The following DLG5 variants were observed in gnomAD, a reference collection of about 807,000 sequenced individuals.
DLG5 encodes discs large MAGUK scaffold protein 5, also known as disks large homolog 5.
DLG5 carries 48 observed loss-of-function variants against 189.8 expected under a neutral mutation model. The ratio of observed to expected loss-of-function variants is 0.25; its 90% CI spans 0.20 to 0.32. The LOEUF is 0.32. Ranked by LOEUF, DLG5 falls within the 10% of genes least tolerant of loss-of-function variation. The probability of loss-of-function intolerance (pLI) is 1.00; values close to 1 mark genes in which losing one functional copy is unlikely to be tolerated. For synonymous variants in DLG5, 1,016 were observed against 1,054.1 expected (o/e 0.96, Z 0.70); for missense variants, 2,160 against 2,544.7 (o/e 0.85, Z 3.25).
the DLG5 span, among the ~76,000 whole-genome samples, chr10:77,933,643 G>A: frequency 6.6e-6 from 1 of 152,000 alleles, no homozygotes; most frequent in Non-Finnish European, 1.5e-5. Context: ...AGAATCGCTT[G>A]AACCTGAGAG....
At chr10:77,906,358 C>T (rs1220129498) in intron 1 of DLG5, among the ~76,000 whole-genome samples, 1 of 152,246 alleles carries the variant, frequency 6.6e-6, no homozygotes, top group Non-Finnish European at 1.5e-5. Flanking sequence ...TCTTACCAAA[C>T]CTGACTGAAC....
rs1841943326 is a variant in DLG5 at position 77,814,464 on chromosome 10, TATATATATATA to T, written c.4025+2076_4025+2086del. On this transcript the variant is annotated intron_variant, in intron 20 of 31. Coordinates refer to ENST00000372391, the MANE Select transcript of DLG5 (RefSeq NM_004747.4). ...GTACATAAATAATAAAGCATGTTTA[TATATATATATA>T]TATATATATATATATATATATATAT... Among the ~76,000 whole-genome samples, 4 of 30,088 alleles carry T rather than the reference TATATATATATA, an allele frequency of 1.3e-4. No homozygotes were observed. In the South Asian group the frequency reaches 4.3e-3, roughly 33 times the overall value. 19.7% of individuals were successfully genotyped at this position (30,088 alleles called of 152,430 possible).
chr10:77,860,965 T>C (rs1844448120), intron 2 of DLG5, among the ~76,000 whole-genome samples: 1 of 152,248 alleles, frequency 6.6e-6, no homozygotes, highest in Non-Finnish European at 1.5e-5. Flanking sequence ...CATTATATAT[T>C]GACATAAGAT....
chr10:77,805,998 C>T (rs530075256), intron 26 of DLG5, 137 bp from the exon 27 acceptor site: 8 of 797,982 alleles, frequency 1.0e-5, no homozygotes, highest in South Asian at 1.8e-5. Flanking sequence ...CTCAAGGCTA[C>T]ATCTCCTCCC....
chr10:77,929,519 G>A (rs995423398), upstream of DLG5: 2 of 152,216 alleles, frequency 1.3e-5, no homozygotes, highest in Non-Finnish European at 2.9e-5. Flanking sequence ...CTTTGCAGAT[G>A]TAATCTAGTT....
rs755491108 is a variant in DLG5, at chr10:77,821,073, C to G, written c.3402+9G>C. ...CCTCCCCTCCCCACACCCTGGGGCT[C>G]AGCTATACCTCCAGGAACTGAGCAG... On this transcript the variant is annotated intron_variant, in intron 15 of 31. Coordinates refer to ENST00000372391, the MANE Select transcript of DLG5 (RefSeq NM_004747.4). The G allele has an allele frequency of 5.7e-5, 91 of 1,596,366 alleles. No homozygotes were observed. The highest frequency in any genetic ancestry group is 3.5e-4 in the Middle Eastern group (2 of 5,650).
At chr10:77,814,559 TTTC>T (rs939142468) in intron 20 of DLG5, among the ~76,000 whole-genome samples, 6 of 146,992 alleles carry the variant, frequency 4.1e-5, no homozygotes, top group South Asian at 2.2e-4. Context: ...CTGTGACTTT[TTTC>T]TTCTTTCTAC....
At chr10:77,916,402 T>A (rs1459424523) in intron 1 of DLG5, among the ~76,000 whole-genome samples, 1 of 151,862 alleles carries the variant, frequency 6.6e-6, no homozygotes, top group East Asian at 1.9e-4. Flanking sequence ...GCACTTCTCC[T>A]GCCTCAGCCT....
At chr10:77,868,260 T>A (rs1844767391) in intron 2 of DLG5, 3 of 373,098 alleles carry the variant, frequency 8.0e-6, no homozygotes, top group Non-Finnish European at 1.6e-5. Flanking sequence ...TACCTTCCCT[T>A]ACTGCAGCTA....
chr10:77,915,935 A>G (rs553598678), intron 1 of DLG5, among the ~76,000 whole-genome samples: 57 of 152,322 alleles, frequency 3.7e-4, no homozygotes, highest in African/African-American at 9.1e-4. Context: ...TTGTTTGGTT[A>G]ATGTCTGGCC....
chr10:77,876,101 T>G (rs1435069696), intron 1 of DLG5, among the ~76,000 whole-genome samples: 1 of 152,124 alleles, frequency 6.6e-6, no homozygotes, highest in East Asian at 1.9e-4. Flanking sequence ...ATTTAATATT[T>G]GTTTTCCTCA....
intron 1 of DLG5, among the ~76,000 whole-genome samples, chr10:77,921,291 G>A (rs910890045): frequency 6.6e-6 from 1 of 152,182 alleles, no homozygotes; most frequent in Admixed American, 6.5e-5. Flanking sequence ...AGGGCAGAGG[G>A]GATGAAGAAA....
chr10:77,900,541 T>C (rs1054376071), intron 1 of DLG5, among the ~76,000 whole-genome samples: 9 of 152,164 alleles, frequency 5.9e-5, no homozygotes, highest in African/African-American at 1.7e-4. Context: ...GGCTCACGCC[T>C]GTAATCCTAA....
intron 3 of DLG5, among the ~76,000 whole-genome samples, 156 bp downstream of exon 3, chr10:77,856,574 G>A (rs919974402): frequency 2.0e-5 from 3 of 152,158 alleles, no homozygotes; most frequent in African/African-American, 7.2e-5. Context: ...TCCTGCCCCT[G>A]GGAAGCATTT....
chr10:77,874,886 T>G (rs1845035834), intron 1 of DLG5, among the ~76,000 whole-genome samples: 1 of 152,214 alleles, frequency 6.6e-6, no homozygotes, highest in African/African-American at 2.4e-5. Flanking sequence ...AAAGCTGTAC[T>G]AGAGTGACAA....
intron 1 of DLG5, among the ~76,000 whole-genome samples, chr10:77,884,814 C>T (rs539558794): frequency 1.5e-4 from 23 of 152,284 alleles, no homozygotes; most frequent in African/African-American, 5.5e-4. Context: ...TCCAAACATG[C>T]TTCCTCTCCG....
At chr10:77,859,236 T>TA (rs1844378314) in intron 2 of DLG5, among the ~76,000 whole-genome samples, 1 of 152,176 alleles carries the variant, frequency 6.6e-6, no homozygotes, top group Admixed American at 6.5e-5. Flanking sequence ...TAAAAAAATA[T>TA]AAAGTTTATA....
intron 30 of DLG5, 57 bp from the exon 31 acceptor site, chr10:77,794,174 C>T (rs1177433314): frequency 2.0e-6 from 3 of 1,518,216 alleles, no homozygotes; most frequent in Admixed American, 1.7e-5. Flanking sequence ...GCCCTCTTTC[C>T]TTCCTCTGTC....
intron 1 of DLG5, among the ~76,000 whole-genome samples, chr10:77,906,771 C>T (rs141075753): frequency 1.9e-4 from 29 of 152,062 alleles, no homozygotes; most frequent in African/African-American, 4.6e-4. Context: ...AGTACAGGCA[C>T]GTACCACCAT....
Sources: allele counts gnomAD v4.1 joint callset (sites outside exome capture counted in the v4.1 genomes callset), GRCh38; gene constraint gnomAD v4.1.1; transcripts MANE v1.5; gene names NCBI Gene and HGNC (gene_info 2026-07-23, HGNC 2026-07-21).